Variants in CHST11 observed in about 807,000 individuals in gnomAD.
The protein encoded by CHST11 is carbohydrate sulfotransferase 11, also known as C4S-1.
A neutral mutation model predicts 30.4 loss-of-function variants in CHST11; 9 were observed. That is an observed-to-expected ratio of 0.30 (90% CI 0.18 to 0.52). The LOEUF (loss-of-function observed/expected upper bound fraction) is 0.52. CHST11 is among the 20% of genes least tolerant of loss of function. CHST11 has a pLI of 0.97. For missense variants in CHST11, 348 were observed against 460.6 expected (o/e 0.76, Z 2.24); for synonymous variants, 152 against 187.8 (o/e 0.81, Z 1.56).
At chr12:104,649,647 A>C (rs1291712784) in intron 2 of CHST11, among the ~76,000 whole-genome samples, 1 of 152,338 alleles carries the variant, frequency 6.6e-6, no homozygotes, top group East Asian at 1.9e-4. Flanking sequence ...TGGAGCAATA[A>C]TTTTAAAAAG....
At chr12:104,492,904 C>T (rs1199335240) in intron 1 of CHST11, among the ~76,000 whole-genome samples, 1 of 151,952 alleles carries the variant, frequency 6.6e-6, no homozygotes, top group Non-Finnish European at 1.5e-5. Context: ...ATGGTGGTGT[C>T]CACCTGTAAT....
intron 1 of CHST11, among the ~76,000 whole-genome samples, chr12:104,488,551 GTA>G (rs1260497053): frequency 2.8e-5 from 4 of 144,084 alleles, no homozygotes; most frequent in Admixed American, 6.9e-5. Flanking sequence ...ATGTGTGCGT[GTA>G]TGTGTGTGTA....
Position 104,587,056 on chromosome 12 carries a change from A to G in CHST11, c.119-14850A>G, listed in dbSNP as rs1036780948. On this transcript the variant is annotated intron_variant, in intron 1 of 2. Coordinates refer to ENST00000303694, the MANE Select transcript of CHST11 (RefSeq NM_018413.6). ...GTTCTCCTTTACCCCAGACACTCACACCCTCCGCCCCTTAGGCCAGCCTGA... is the reference window on the plus strand; with the variant it reads ...GTTCTCCTTTACCCCAGACACTCACGCCCTCCGCCCCTTAGGCCAGCCTGA... 8.5e-5 allele frequency among the ~76,000 whole-genome samples: 13 copies of G among 152,168 alleles called. No homozygotes were observed. In the East Asian group the frequency reaches 2.3e-3, roughly 27 times the overall value.
intron 2 of CHST11, among the ~76,000 whole-genome samples, chr12:104,713,614 T>G (rs2040105632): frequency 6.6e-6 from 1 of 152,084 alleles, no homozygotes; most frequent in Non-Finnish European, 1.5e-5. Flanking sequence ...CTGCACCTCC[T>G]CCCAAAGGAG....
intron 1 of CHST11, among the ~76,000 whole-genome samples, chr12:104,544,639 G>A (rs1283484477): frequency 1.3e-5 from 2 of 150,994 alleles, no homozygotes; most frequent in Non-Finnish European, 2.9e-5. Context: ...CCTGGGAGGC[G>A]GAGGTTGCAG....
rs1057213093 is a variant in CHST11, at chr12:104,457,112, A to G, written c.-300A>G. 8.5e-6 allele frequency: 2 copies of G among 234,330 alleles called. No individual in the cohort carries two copies. Among genetic ancestry groups the G allele is most frequent in the African/African-American group, 2.3e-5 (1 of 44,158 alleles). 14.5% of individuals were successfully genotyped at this position (234,330 alleles called of 1,614,324 possible). A position where few individuals can be genotyped will look rare whatever the true frequency, so the allele number is the denominator to read the frequency against. ...CACCCCAGCCGCCCGGCCCGCGACCAGGCAGCGGCGGCCGCCGGCGGGATC... is the reference window on the plus strand; with the variant it reads ...CACCCCAGCCGCCCGGCCCGCGACCGGGCAGCGGCGGCCGCCGGCGGGATC... On this transcript the variant is annotated 5_prime_UTR_variant, in exon 1 of 3. Transcript: ENST00000303694.
At chr12:104,589,913 G>A (rs970146441) in intron 1 of CHST11, among the ~76,000 whole-genome samples, 6 of 152,144 alleles carry the variant, frequency 3.9e-5, no homozygotes, top group Admixed American at 3.9e-4. Context: ...GGAGGCTGAG[G>A]CAGGAGAATT....
intron 2 of CHST11, among the ~76,000 whole-genome samples, chr12:104,718,554 T>A (rs2040149369): frequency 6.6e-6 from 1 of 152,166 alleles, no homozygotes; most frequent in South Asian, 2.1e-4. Context: ...AAGAATGAAT[T>A]TCTAGAAAAT....
At chr12:104,539,186 A>G (rs1003283900) in intron 1 of CHST11, among the ~76,000 whole-genome samples, 3 of 152,164 alleles carry the variant, frequency 2.0e-5, no homozygotes, top group African/African-American at 7.2e-5. Flanking sequence ...CTGTGATAGC[A>G]CAGAGTCCAG....
intron 1 of CHST11, among the ~76,000 whole-genome samples, chr12:104,465,541 T>C (rs1051633305): frequency 1.3e-5 from 2 of 152,156 alleles, no homozygotes; most frequent in Non-Finnish European, 2.9e-5. Flanking sequence ...TGTACTGTGG[T>C]TGTTTGTTTT....
In CHST11 at chr12:104,471,464, T is replaced by C. The variant is rs566728200; in HGVS notation, c.118+13935T>C. Among the ~76,000 whole-genome samples the C allele has an allele frequency of 2.6e-5, 4 of 152,336 alleles. No homozygotes were observed. In the East Asian group the frequency reaches 7.7e-4, roughly 29 times the overall value. ...GCCAAGAACAACCCCTTTTATACCA[T>C]GGCTAAATGTGAACAGCCAAAAAGT... On this transcript the variant is annotated intron_variant, in intron 1 of 2. Coordinates refer to ENST00000303694, the MANE Select transcript of CHST11 (RefSeq NM_018413.6).
At chr12:104,700,081 G>A (rs2039978721) in intron 2 of CHST11, among the ~76,000 whole-genome samples, 1 of 152,096 alleles carries the variant, frequency 6.6e-6, no homozygotes, top group Non-Finnish European at 1.5e-5. Context: ...AGAAATACCA[G>A]ATTAAACATT....
At chr12:104,613,013 A>T (rs2039074092) in intron 2 of CHST11, among the ~76,000 whole-genome samples, 1 of 152,144 alleles carries the variant, frequency 6.6e-6, no homozygotes, top group Non-Finnish European at 1.5e-5. Context: ...CTTGAGGCCC[A>T]GGAGTTTGAG....
At chr12:104,719,039 T>C (rs2040153745) in intron 2 of CHST11, among the ~76,000 whole-genome samples, 1 of 152,080 alleles carries the variant, frequency 6.6e-6, no homozygotes, top group Non-Finnish European at 1.5e-5. Flanking sequence ...AGGTTGAGGG[T>C]ACAGAATGGG....
At chr12:104,642,701 G>A (rs937840575) in intron 2 of CHST11, among the ~76,000 whole-genome samples, 4 of 151,914 alleles carry the variant, frequency 2.6e-5, no homozygotes, top group African/African-American at 9.7e-5. Context: ...CACCCAGCCT[G>A]TTATGTATCT....
intron 1 of CHST11, among the ~76,000 whole-genome samples, chr12:104,528,149 A>G (rs577548098): frequency 6.6e-6 from 1 of 152,354 alleles, no homozygotes; most frequent in African/African-American, 2.4e-5. Context: ...GATGATGGTT[A>G]TGTCCGTGAT....
chr12:104,757,907 G>T lies in CHST11; in HGVS notation c.*104G>T. 1 of 1,223,054 alleles carries T rather than the reference G, an allele frequency of 8.2e-7. No homozygotes were observed. The highest frequency in any genetic ancestry group is 2.5e-5 in the East Asian group (1 of 40,310). The allele number at this position is 1,223,054 out of a possible 1,614,324, so 75.8% of individuals were successfully genotyped here. A position where few individuals can be genotyped will look rare whatever the true frequency, so the allele number is the denominator to read the frequency against. On this transcript the variant is annotated 3_prime_UTR_variant, in exon 3 of 3. Transcript: ENST00000303694. The surrounding 1 kb of genome is among the most constrained non-coding windows in gnomAD (Gnocchi z 6.5). ...TTATTTTGTAAATTAATATTTCTTTGGGGATGATGCTGCGAGCAGCATAGT... is the reference window on the plus strand; with the variant it reads ...TTATTTTGTAAATTAATATTTCTTTTGGGATGATGCTGCGAGCAGCATAGT...
chr12:104,726,939 A>C (rs1481570233), intron 2 of CHST11, among the ~76,000 whole-genome samples: 2 of 152,148 alleles, frequency 1.3e-5, no homozygotes, highest in Non-Finnish European at 1.5e-5. Context: ...TAAGGAGGCT[A>C]TTAGGGACAT....
chr12:104,726,094 A>G lies in CHST11; in HGVS notation c.205-30855A>G, dbSNP rs542190698. On this transcript the variant is annotated intron_variant, in intron 2 of 2. Coordinates refer to ENST00000303694, the MANE Select transcript of CHST11 (RefSeq NM_018413.6). ...AGGCCTGAGCCAAGCCTCTGTTGAC[A>G]GAGGTCAGAGAAGACAACAGAGAGA... Among the ~76,000 whole-genome samples the G allele has an allele frequency of 1.3e-4, 20 of 152,340 alleles. No individual in the cohort carries two copies. In the East Asian group the frequency reaches 3.3e-3, roughly 25 times the overall value.
Sources: gnomAD v4.1 joint callset for allele counts (sites outside exome capture counted in the v4.1 genomes callset) on GRCh38, gnomAD v4.1.1 for gene constraint, Gnocchi (gnomAD v3.1) non-coding constraint, MANE v1.5 for transcripts, NCBI Gene and HGNC (gene_info 2026-07-23, HGNC 2026-07-21) for gene names.